The following TMEM269 variants were observed in gnomAD, a reference collection of about 807,000 sequenced individuals.
TMEM269 encodes transmembrane protein 269.
TMEM269 carries 12 observed loss-of-function variants against 15.8 expected under a neutral mutation model. That is an observed-to-expected ratio of 0.76 (90% CI 0.49 to 1.23). The LOEUF is 1.23. Among genes scored for constraint, TMEM269 ranks in the 50% most tolerant of loss-of-function variants. The pLI is 0.00. For synonymous variants in TMEM269, 93 were observed against 99.3 expected, an observed-to-expected ratio of 0.94 and a Z score of 0.38; for missense variants, 211 against 245.4, an observed-to-expected ratio of 0.86 and a Z score of 0.94.
intron 2 of TMEM269, among the ~76,000 whole-genome samples, chr1:42,791,211 A>G (rs1475219144): frequency 6.6e-6 from 1 of 152,196 alleles, no homozygotes; most frequent in Non-Finnish European, 1.5e-5. Flanking sequence ...CAGCAAACAC[A>G]TAGTTGAAGT....
intron 1 of TMEM269, among the ~76,000 whole-genome samples, chr1:42,786,929 G>C (rs1053296557): frequency 6.6e-6 from 1 of 152,160 alleles, no homozygotes; most frequent in Non-Finnish European, 1.5e-5. Flanking sequence ...TGGGAAAGAG[G>C]AGACTCAAAT....
Position 42,794,496 on chromosome 1 carries a change from A to G in TMEM269, c.367A>G (p.Arg123Gly), listed in dbSNP as rs1653757296. 1 of 1,550,640 alleles carries G rather than the reference A, an allele frequency of 6.4e-7. No individual in the cohort carries two copies. Reference protein sequence around the residue: ...ASTSLLTKGNRFILCCMASLM... With the variant: ...ASTSLLTKGNGFILCCMASLM... The stretch of plus-strand genomic sequence containing the variant: ...CACCTCCCTTCTGACCAAAGGCAAC[A>G]GGTTCATCCTCTGCTGCATGGCCTC... The change falls in exon 5 of 6, where the codon AGG (arginine) becomes GGG (glycine). Residue 123 changes from arginine (R) to glycine (G), a missense_variant. Transcript: ENST00000637012.
intron 1 of TMEM269, among the ~76,000 whole-genome samples, chr1:42,785,428 C>T (rs537772604): frequency 7.2e-5 from 11 of 152,330 alleles, no homozygotes; most frequent in African/African-American, 2.6e-4. Flanking sequence ...AGTTAGAAAC[C>T]TCAGAGCCAT....
chr1:42,790,313 AT>A (rs1187912716), intron 2 of TMEM269, among the ~76,000 whole-genome samples: 1 of 152,124 alleles, frequency 6.6e-6, no homozygotes, highest in African/African-American at 2.4e-5. Context: ...AGCAAATTCT[AT>A]TTCTGTAAGT....
At chr1:42,792,165 CA>C (rs1327967931) in intron 2 of TMEM269, among the ~76,000 whole-genome samples, 1 of 151,898 alleles carries the variant, frequency 6.6e-6, no homozygotes, top group Non-Finnish European at 1.5e-5. Context: ...CAGAAATTAC[CA>C]ATATCAGAAA....
chr1:42,793,863 C>T (rs1432502584), intron 4 of TMEM269, 119 bp downstream of exon 4: 12 of 1,218,366 alleles, frequency 9.8e-6, no homozygotes, highest in Non-Finnish European at 1.3e-5. Flanking sequence ...CCTCTTCCTT[C>T]CTCCTTGCGT....
intron 1 of TMEM269, 195 bp from the exon 2 acceptor site, chr1:42,789,601 G>A: frequency 6.9e-6 from 8 of 1,157,342 alleles, no homozygotes; most frequent in Admixed American, 2.0e-5. Flanking sequence ...TTCCCAAGAC[G>A]CTGGATCCTC....
rs1200804480 is a variant in TMEM269, at chr1:42,788,958, G to T, written c.-98-838G>T. ...TTTTTTTTAGACAGAGTCTCACTCG[G>T]TCACCCAGGCTGGAGTGCAGTGGTG... On this transcript the variant is annotated intron_variant, in intron 1 of 5. Coordinates refer to ENST00000637012, the MANE Select transcript of TMEM269 (RefSeq NM_001354602.2). The surrounding 1 kb of genome is among the most constrained non-coding windows in gnomAD (Gnocchi z 4.0). 6.7e-6 allele frequency among the ~76,000 whole-genome samples: 1 copy of T among 150,204 alleles called. No individual in the cohort carries two copies. Among genetic ancestry groups the T allele is most frequent in the African/African-American group, 2.5e-5 (1 of 40,666 alleles).
rs1653826874 is a variant in TMEM269 at position 42,798,466 on chromosome 1, T to TC, written c.*247dup. The TC allele has an allele frequency of 4.3e-6, 2 of 468,246 alleles. No homozygotes were observed. Among genetic ancestry groups the TC allele is most frequent in the South Asian group, 2.9e-5 (1 of 34,676 alleles). 29.0% of individuals were successfully genotyped at this position (468,246 alleles called of 1,614,324 possible). A position where few individuals can be genotyped will look rare whatever the true frequency, so the allele number is the denominator to read the frequency against. On this transcript the variant is annotated 3_prime_UTR_variant, in exon 6 of 6. Transcript: ENST00000637012. ...TGTTTATGTCATGTAGAGCAGAATA[T>TC]CCCCCCGCCTCAAGCTCAATGTGGG... is the stretch of plus-strand genomic sequence containing the variant.
chr1:42,792,978 A>G, intron 3 of TMEM269, 76 bp downstream of exon 3: 1 of 1,155,600 alleles, frequency 8.7e-7, no homozygotes, highest in Non-Finnish European at 1.3e-6. Context: ...TCCATCCTCT[A>G]ACATCCCGCA....
At chr1:42,790,614 T>A (rs1158210846) in intron 2 of TMEM269, among the ~76,000 whole-genome samples, 1 of 121,488 alleles carries the variant, frequency 8.2e-6, no homozygotes, top group Non-Finnish European at 1.7e-5. Context: ...TTTTTTTTTT[T>A]AAGAGATGAG....
chr1:42,787,468 C>T (rs1461306881), intron 1 of TMEM269, among the ~76,000 whole-genome samples: 3 of 151,340 alleles, frequency 2.0e-5, no homozygotes, highest in Non-Finnish European at 4.4e-5. Flanking sequence ...GGCGCGGTGG[C>T]GGGCGCCTGT....
chr1:42,798,892 C>G lies in TMEM269; in HGVS notation c.*667C>G, dbSNP rs1425543258. On this transcript the variant is annotated 3_prime_UTR_variant, in exon 6 of 6. Coordinates refer to ENST00000637012, the MANE Select transcript of TMEM269 (RefSeq NM_001354602.2). ...CCGCGTAGCTGGGACTACAGGCTCCCGCCACCTCGCCCGGCTAATTTTTTG... is the reference window on the plus strand; with the variant it reads ...CCGCGTAGCTGGGACTACAGGCTCCGGCCACCTCGCCCGGCTAATTTTTTG... 1 of 151,904 alleles carries G rather than the reference C, an allele frequency of 6.6e-6. No individual in the cohort carries two copies. Among genetic ancestry groups the G allele is most frequent in the African/African-American group, 2.4e-5 (1 of 41,314 alleles). 9.4% of individuals were successfully genotyped at this position (151,904 alleles called of 1,614,324 possible). A position where few individuals can be genotyped will look rare whatever the true frequency, so the allele number is the denominator to read the frequency against.
In TMEM269 at chr1:42,799,037, C is replaced by T. The variant is rs1653844229; in HGVS notation, c.*812C>T. The T allele has an allele frequency of 1.3e-5, 2 of 152,076 alleles. No individual in the cohort carries two copies. Among genetic ancestry groups the T allele is most frequent in the African/African-American group, 4.8e-5 (2 of 41,386 alleles). 9.4% of individuals were successfully genotyped at this position (152,076 alleles called of 1,614,324 possible). A position where few individuals can be genotyped will look rare whatever the true frequency, so the allele number is the denominator to read the frequency against. ...GGGATTACAAGCGTGAGCCACCGCGCCCGGCCTACATTCTGTATTTTAATA... is the reference window on the plus strand; with the variant it reads ...GGGATTACAAGCGTGAGCCACCGCGTCCGGCCTACATTCTGTATTTTAATA... On this transcript the variant is annotated 3_prime_UTR_variant, in exon 6 of 6. Transcript: ENST00000637012.
In TMEM269 at chr1:42,788,120, T is replaced by C. The variant is rs1192349118; in HGVS notation, c.-98-1676T>C. 1 of 152,380 alleles carries C rather than the reference T, an allele frequency of 6.6e-6. No individual in the cohort carries two copies. The highest frequency in any genetic ancestry group is 2.4e-5 in the African/African-American group (1 of 41,422). 9.4% of individuals were successfully genotyped at this position (152,380 alleles called of 1,614,324 possible). A position where few individuals can be genotyped will look rare whatever the true frequency, so the allele number is the denominator to read the frequency against. On this transcript the variant is annotated intron_variant, in intron 1 of 5. Coordinates refer to ENST00000637012, the MANE Select transcript of TMEM269 (RefSeq NM_001354602.2). The surrounding 1 kb of genome is among the most constrained non-coding windows in gnomAD (Gnocchi z 4.0). The stretch of plus-strand genomic sequence containing the variant: ...GCCCAGCAGTGCTGCCCTGATAAAC[T>C]CTAGTCCCAAACTCCAAGTCAGCCC...
chr1:42,793,738 T>C lies in TMEM269; in HGVS notation c.277T>C (p.Ser93Pro). 6.5e-7 allele frequency: 1 copy of C among 1,550,278 alleles called. No individual in the cohort carries two copies. Among genetic ancestry groups the C allele is most frequent in the Non-Finnish European group, 8.7e-7 (1 of 1,146,818 alleles). The change falls in exon 4 of 6, where the codon TCA (serine) becomes CCA (proline). Residue 93 changes from serine to proline, a missense_variant. Transcript: ENST00000637012. ...TGCTTCTTTCCACTTGTGCTTTTAT[T>C]CACCTGGTGAGTGGAACCAAGGTTG... is the stretch of plus-strand genomic sequence containing the variant. Reference protein sequence around the residue: ...SAASFHLCFYSPGVPSTYKGL... With the variant: ...SAASFHLCFYPPGVPSTYKGL...
intron 1 of TMEM269, among the ~76,000 whole-genome samples, chr1:42,786,447 A>T (rs1195791615): frequency 6.6e-6 from 1 of 152,172 alleles, no homozygotes; most frequent in Admixed American, 6.5e-5. Flanking sequence ...GAGGAGCACC[A>T]CCCAACCCAA....
intron 1 of TMEM269, among the ~76,000 whole-genome samples, chr1:42,787,829 T>C (rs1469981225): frequency 1.3e-5 from 2 of 152,178 alleles, no homozygotes; most frequent in African/African-American, 4.8e-5. Flanking sequence ...ACCTGCTAAC[T>C]GGCTCTGAGC....
At chr1:42,789,218 C>G (rs1038188171) in intron 1 of TMEM269, 1 of 568,966 alleles carries the variant, frequency 1.8e-6, no homozygotes, top group African/African-American at 1.9e-5. Flanking sequence ...CCACCGTGTC[C>G]GGCTACACAT....
Sources: allele counts gnomAD v4.1 joint callset (sites outside exome capture counted in the v4.1 genomes callset), GRCh38; gene constraint gnomAD v4.1.1; non-coding constraint Gnocchi (gnomAD v3.1); transcripts MANE v1.5; gene names NCBI Gene and HGNC (gene_info 2026-07-23, HGNC 2026-07-21).